The following NUDCD3 variants were observed in gnomAD, a reference collection of about 807,000 sequenced individuals.
NUDCD3 encodes the protein NudC domain containing 3.
In NUDCD3, 13 loss-of-function variants were observed where a neutral mutation model predicts 39.7. The ratio of observed to expected loss-of-function variants is 0.33; its 90% CI spans 0.21 to 0.52. The LOEUF is 0.52. Among genes scored for constraint, NUDCD3 ranks in the 20% least tolerant of loss-of-function variants. The pLI, the probability that NUDCD3 is intolerant of heterozygous loss-of-function variation, is 0.96. For missense variants in NUDCD3, 453 were observed against 458.1 expected, an observed-to-expected ratio of 0.99 and a Z score of 0.10; for synonymous variants, 175 against 172.4, an observed-to-expected ratio of 1.02 and a Z score of -0.12.
intron 2 of NUDCD3, among the ~76,000 whole-genome samples, chr7:44,437,138 C>T (rs113513077): frequency 9.7e-4 from 140 of 143,702 alleles, no homozygotes; most frequent in Non-Finnish European, 1.8e-3. Flanking sequence ...GGTGCGATCT[C>T]GGCTCACTGC....
chr7:44,441,701 G>A (rs1799588061), intron 2 of NUDCD3, among the ~76,000 whole-genome samples: 1 of 152,098 alleles, frequency 6.6e-6, no homozygotes, highest in East Asian at 1.9e-4. Flanking sequence ...AAAGAGTACT[G>A]GCCCAGGTAA....
At chr7:44,393,593 G>A (rs997449420) in intron 4 of NUDCD3, among the ~76,000 whole-genome samples, 2 of 152,174 alleles carry the variant, frequency 1.3e-5, no homozygotes, top group African/African-American at 4.8e-5. Flanking sequence ...TGCCCTAGAT[G>A]AGCACTGCAC....
chr7:44,394,047 G>A (rs1014011057), intron 4 of NUDCD3, among the ~76,000 whole-genome samples: 1 of 152,222 alleles, frequency 6.6e-6, no homozygotes, highest in African/African-American at 2.4e-5. Flanking sequence ...GCAGAGCCCA[G>A]GGATCAAGTC....
chr7:44,490,427 C>T lies in NUDCD3; in HGVS notation c.174G>A (p.Ala58=). 6.3e-7 allele frequency: 1 copy of T among 1,576,162 alleles called. No homozygotes were observed. The highest frequency in any genetic ancestry group is 8.6e-7 in the Non-Finnish European group (1 of 1,162,080). The change falls in exon 1 of 6, where the codon GCG becomes GCA. Residue 58 remains alanine (A), a synonymous_variant. Coordinates refer to ENST00000355451, the MANE Select transcript of NUDCD3 (RefSeq NM_015332.4). ...GCCTCACCTGCAGCACCAAGGCCTG[C>T]GCGGCCCCGGGCGGGAAGCCCATGC... ...SDRMGFPPGA[A]QALVLQVFKT...
rs1485337669 is a variant in NUDCD3 at position 44,384,725 on chromosome 7, G to A, written c.*1286C>T. ...CCAGGGTGCACTGCCCTGCTGTGTG[G>A]CTTATCCATGCTCTGAGCTTGACAG... is the stretch of plus-strand genomic sequence containing the variant. On this transcript the variant is annotated 3_prime_UTR_variant, in exon 6 of 6. Coordinates refer to ENST00000355451, the MANE Select transcript of NUDCD3 (RefSeq NM_015332.4). 1 of 152,384 alleles carries A rather than the reference G, an allele frequency of 6.6e-6. No individual in the cohort carries two copies. Among genetic ancestry groups the A allele is most frequent in the Admixed American group, 6.5e-5 (1 of 15,298 alleles). The allele number at this position is 152,384 out of a possible 1,614,324, so 9.4% of individuals were successfully genotyped here.
chr7:44,479,554 C>T (rs1487244545), intron 2 of NUDCD3, among the ~76,000 whole-genome samples: 4 of 152,096 alleles, frequency 2.6e-5, no homozygotes, highest in South Asian at 4.1e-4. Context: ...AGCACTTACA[C>T]TGAATTTATT....
intron 2 of NUDCD3, among the ~76,000 whole-genome samples, chr7:44,442,678 G>A (rs1202355948): frequency 2.6e-5 from 4 of 151,556 alleles, no homozygotes; most frequent in East Asian, 3.9e-4. Flanking sequence ...CAAGAGGGGC[G>A]GACTCTCCCC....
At chr7:44,484,509 A>C (rs2116983680) in intron 2 of NUDCD3, 1 of 157,800 alleles carries the variant, frequency 6.3e-6, no homozygotes, top group South Asian at 1.9e-4. Context: ...TGCTTGTTCA[A>C]GGTAATACAT....
rs745919662 is a variant in NUDCD3 at position 44,490,569 on chromosome 7, T to C, written c.32A>G (p.Gln11Arg). METGAAELYDQALLGILQHVG... is the reference protein window; with the variant it reads METGAAELYDRALLGILQHVG... ...GTGCTGCAGGATGCCCAAAAGGGCC[T>C]GGTCATACAGCTCGGCCGCCCCTGT... is the stretch of plus-strand genomic sequence containing the variant. The change falls in exon 1 of 6, where the codon CAG (glutamine) becomes CGG (arginine). Residue 11 changes from glutamine (Q) to arginine (R), a missense_variant. Coordinates refer to ENST00000355451, the MANE Select transcript of NUDCD3 (RefSeq NM_015332.4). The C allele has an allele frequency of 3.1e-6, 5 of 1,611,458 alleles. No individual in the cohort carries two copies. Among genetic ancestry groups the C allele is most frequent in the African/African-American group, 2.7e-5 (2 of 74,848 alleles).
chr7:44,397,685 G>A (rs1340648947), intron 4 of NUDCD3, among the ~76,000 whole-genome samples: 1 of 152,092 alleles, frequency 6.6e-6, no homozygotes, highest in Non-Finnish European at 1.5e-5. Context: ...GTGTTTAGCA[G>A]CTGTGTGTCT....
At position 44,475,033 on chromosome 7, in the gene NUDCD3, A is replaced by C. The variant is rs184837877; in HGVS notation, c.509+9935T>G. Among the ~76,000 whole-genome samples the C allele has an allele frequency of 1.6e-3, 251 of 152,232 alleles. 1 individual carries two copies. The highest frequency in any genetic ancestry group is 5.5e-3 in the African/African-American group (230 of 41,560). Reference sequence around the variant, plus strand: ...TCATTATTCTCTCTCAGTGCATACTATGCAGCATATGCCCTCATCCAAGGA... The same window carrying C: ...TCATTATTCTCTCTCAGTGCATACTCTGCAGCATATGCCCTCATCCAAGGA... On this transcript the variant is annotated intron_variant, in intron 2 of 5. Transcript: ENST00000355451.
At chr7:44,412,669 T>C (rs1798949902) in intron 3 of NUDCD3, among the ~76,000 whole-genome samples, 1 of 152,216 alleles carries the variant, frequency 6.6e-6, no homozygotes, top group Admixed American at 6.5e-5. Flanking sequence ...GGCTCACGCC[T>C]ATAATCTCAG....
chr7:44,472,083 C>T (rs1585102795), intron 2 of NUDCD3: 1 of 152,280 alleles, frequency 6.6e-6, no homozygotes, highest in East Asian at 1.9e-4. Flanking sequence ...AAGCCGTGAC[C>T]AACCCCAATC....
intron 2 of NUDCD3, among the ~76,000 whole-genome samples, chr7:44,435,964 GA>G (rs1459287821): frequency 6.6e-6 from 1 of 152,156 alleles, no homozygotes; most frequent in Non-Finnish European, 1.5e-5. Flanking sequence ...TAGAATCAGG[GA>G]AATTATAACA....
intron 3 of NUDCD3, among the ~76,000 whole-genome samples, chr7:44,422,468 C>G (rs1226261207): frequency 6.6e-6 from 1 of 151,824 alleles, no homozygotes; most frequent in Non-Finnish European, 1.5e-5. Flanking sequence ...ACCACTGATC[C>G]CACAGAAATA....
At chr7:44,395,378 T>C (rs1269926239) in intron 4 of NUDCD3, among the ~76,000 whole-genome samples, 1 of 152,212 alleles carries the variant, frequency 6.6e-6, no homozygotes, top group Non-Finnish European at 1.5e-5. Context: ...CGACTTTATA[T>C]TGAACAATTT....
chr7:44,414,696 T>C (rs1409199484), intron 3 of NUDCD3, among the ~76,000 whole-genome samples: 2 of 152,230 alleles, frequency 1.3e-5, no homozygotes, highest in African/African-American at 4.8e-5. Context: ...TCAAAAATTA[T>C]GTAAATACAA....
chr7:44,408,849 C>T (rs1301340765), intron 3 of NUDCD3, among the ~76,000 whole-genome samples: 1 of 152,200 alleles, frequency 6.6e-6, no homozygotes, highest in Non-Finnish European at 1.5e-5. Flanking sequence ...GAAAACAGTG[C>T]TCTTAGAGCT....
At chr7:44,404,850 C>A (rs1798789369) in intron 3 of NUDCD3, among the ~76,000 whole-genome samples, 2 of 152,214 alleles carry the variant, frequency 1.3e-5, no homozygotes, top group African/African-American at 2.4e-5. Flanking sequence ...GCTGCTGTGA[C>A]CCAATCTTCT....
Sources: gnomAD v4.1 joint callset for allele counts (sites outside exome capture counted in the v4.1 genomes callset) on GRCh38, gnomAD v4.1.1 for gene constraint, MANE v1.5 for transcripts, NCBI Gene and HGNC (gene_info 2026-07-23, HGNC 2026-07-21) for gene names.